TRMO: variants seen among roughly 807,000 people sequenced by gnomAD.
TRMO encodes the protein tRNA (adenine(37)-N6)-methyltransferase.
A neutral mutation model predicts 37.2 loss-of-function variants in TRMO; 30 were observed. The ratio of observed to expected loss-of-function variants is 0.81; its 90% confidence interval spans 0.60 to 1.09. The LOEUF is 1.09. Ranked by LOEUF, TRMO falls within the 50% of genes least tolerant of loss-of-function variation. The probability of loss-of-function intolerance (pLI) is 0.00; values close to 1 mark genes in which losing one functional copy is unlikely to be tolerated. For synonymous variants in TRMO, 239 were observed against 199.4 expected (o/e 1.20, Z -1.67); for missense variants, 552 against 549.5 (o/e 1.00, Z -0.05).
At chr9:97,902,771 A>G (rs1187070141), downstream of TRMO, among the ~76,000 whole-genome samples, 1 of 152,238 alleles carries the variant, frequency 6.6e-6, no homozygotes, top group Non-Finnish European at 1.5e-5. Context: ...ATAACTTTTC[A>G]AAAGAAAAAA....
chr9:97,916,065 G>T, intron 2 of TRMO, 99 bp downstream of exon 2: 1 of 774,710 alleles, frequency 1.3e-6, no homozygotes, highest in South Asian at 2.0e-5. Context: ...AGATGAGGGT[G>T]GTCTGGATGG....
intron 4 of TRMO, among the ~76,000 whole-genome samples, chr9:97,907,697 C>T (rs1049927137): frequency 6.6e-6 from 1 of 152,158 alleles, no homozygotes; most frequent in Non-Finnish European, 1.5e-5. Context: ...CTGCCTTTTA[C>T]TTCTCCCAAG....
intron 4 of TRMO, among the ~76,000 whole-genome samples, chr9:97,909,378 T>C (rs1459350597): frequency 6.6e-6 from 1 of 152,154 alleles, no homozygotes; most frequent in Non-Finnish European, 1.5e-5. Context: ...AAGAACCATG[T>C]GTTAAAGTAA....
intron 3 of TRMO, chr9:97,911,654 C>G (rs561800992): frequency 6.6e-6 from 1 of 152,134 alleles, no homozygotes; most frequent in Non-Finnish European, 1.5e-5. Context: ...TAATTTGTTA[C>G]ACAACAATAG....
chr9:97,908,535 G>A (rs1013958195), intron 4 of TRMO, among the ~76,000 whole-genome samples: 3 of 152,134 alleles, frequency 2.0e-5, no homozygotes, highest in Admixed American at 2.0e-4. Flanking sequence ...GCTGCAGTAA[G>A]CCATGTTCTT....
chr9:97,915,987 G>A (rs147646308), intron 2 of TRMO, among the ~76,000 whole-genome samples, 177 bp downstream of exon 2: 14 of 152,222 alleles, frequency 9.2e-5, no homozygotes, highest in African/African-American at 3.4e-4. Flanking sequence ...GTTACAGTGC[G>A]CTGCTATTGC....
chr9:97,919,090 AT>A, intron 1 of TRMO, among the ~76,000 whole-genome samples: 1 of 152,298 alleles, frequency 6.6e-6, no homozygotes, highest in East Asian at 1.9e-4. Context: ...TTGTTCAAGT[AT>A]GTTTACAGGC....
chr9:97,899,528 T>C (rs1347659996), downstream of TRMO, among the ~76,000 whole-genome samples: 1 of 151,946 alleles, frequency 6.6e-6, no homozygotes, highest in Non-Finnish European at 1.5e-5. Context: ...AACCTCCATC[T>C]CCCAAGGTCA....
chr9:97,903,609 C>G (rs973843452), downstream of TRMO, among the ~76,000 whole-genome samples: 1 of 152,286 alleles, frequency 6.6e-6, no homozygotes, highest in Non-Finnish European at 1.5e-5. Context: ...ACAACTGTTT[C>G]CTATGTGGTA....
the TRMO span, among the ~76,000 whole-genome samples, chr9:97,897,710 C>T: frequency 6.6e-6 from 1 of 152,050 alleles, no homozygotes; most frequent in Non-Finnish European, 1.5e-5. Context: ...CTTTTTAAAA[C>T]AAAAGTTAAC....
At chr9:97,921,851 G>A (rs1045629283) in intron 1 of TRMO, among the ~76,000 whole-genome samples, 1 of 152,160 alleles carries the variant, frequency 6.6e-6, no homozygotes, top group Non-Finnish European at 1.5e-5. Flanking sequence ...GTGGAAGGTA[G>A]ACACCAAGAT....
chr9:97,910,248 G>A lies in TRMO; in HGVS notation c.778C>T (p.Arg260Cys), dbSNP rs552969775. The A allele has an allele frequency of 9.9e-6, 16 of 1,614,090 alleles. No homozygotes were observed. Among genetic ancestry groups the A allele is most frequent in the East Asian group, 6.7e-5 (3 of 44,900 alleles). Residue 260 changes from arginine (R) to cysteine (C), a missense_variant, in exon 4 of 5, where the codon CGT (arginine) becomes TGT (cysteine). Physicochemically the swap from Arg to Cys is radical, Grantham distance 180. Transcript: ENST00000375119. ...TCTGCCACGCTGGAACTCTGATCAC[G>A]TCTTGATTCCAAACCAAAATCCACT... The part of the protein sequence containing the change: ...IAVDFGLESR[R>C]DQSSSVAEEQ...
At chr9:97,905,111 G>T in intron 4 of TRMO, 119 bp from the exon 5 acceptor site, 3 of 1,097,052 alleles carry the variant, frequency 2.7e-6, no homozygotes, top group Non-Finnish European at 4.0e-6. Flanking sequence ...GACAGGGTTT[G>T]GAAAACTATT....
At chr9:97,911,491 T>C (rs1030955444) in intron 3 of TRMO, 1 of 152,352 alleles carries the variant, frequency 6.6e-6, no homozygotes, top group African/African-American at 2.4e-5. Flanking sequence ...AGCCTCCAGA[T>C]AAGAACTCAT....
At chr9:97,900,549 A>G (rs977897338), downstream of TRMO, among the ~76,000 whole-genome samples, 4 of 152,248 alleles carry the variant, frequency 2.6e-5, no homozygotes, top group Admixed American at 2.6e-4. Flanking sequence ...CTGACCTTCC[A>G]ATAAACCAGC....
intron 1 of TRMO, among the ~76,000 whole-genome samples, chr9:97,922,186 C>T (rs1157410967): frequency 1.3e-5 from 2 of 152,224 alleles, no homozygotes; most frequent in Non-Finnish European, 1.5e-5. Flanking sequence ...TGAGCCAAGA[C>T]TACGCAGACA....
chr9:97,915,414 AAAC>A (rs1826310775), intron 2 of TRMO, among the ~76,000 whole-genome samples: 1 of 152,230 alleles, frequency 6.6e-6, no homozygotes, highest in Non-Finnish European at 1.5e-5. Flanking sequence ...AAGCAGCCAC[AAAC>A]AATACTTAAA....
chr9:97,921,580 G>A (rs1465621858), intron 1 of TRMO, among the ~76,000 whole-genome samples: 1 of 151,798 alleles, frequency 6.6e-6, no homozygotes, highest in Non-Finnish European at 1.5e-5. Context: ...CCACCACCAC[G>A]CCCGGCTGAT....
intron 1 of TRMO, among the ~76,000 whole-genome samples, chr9:97,918,615 A>G (rs1248842063): frequency 2.0e-5 from 3 of 152,186 alleles, no homozygotes; most frequent in African/African-American, 4.8e-5. Context: ...CCCTACCAGC[A>G]TAAGCAGTAA....
Sources: allele counts gnomAD v4.1 joint callset (sites outside exome capture counted in the v4.1 genomes callset), GRCh38; gene constraint gnomAD v4.1.1; transcripts MANE v1.5; gene names NCBI Gene and HGNC (gene_info 2026-07-23, HGNC 2026-07-21).